Variants in VPS13B observed in about 807,000 individuals in gnomAD.
The protein encoded by VPS13B is vacuolar protein sorting 13 homolog B, also known as intermembrane lipid transfer protein VPS13B.
A neutral mutation model predicts 426.4 loss-of-function variants in VPS13B; 285 were observed. The observed-to-expected ratio is 0.67, with a 90% CI of 0.61 to 0.74. VPS13B has a LOEUF of 0.74. Ranked by LOEUF, VPS13B falls within the 30% of genes least tolerant of loss-of-function variation. The pLI is 0.00. For missense variants in VPS13B, 4,537 were observed against 4,782.6 expected (o/e 0.95, Z 1.51); for synonymous variants, 1,676 against 1,676.4 (o/e 1.00, Z 0.01).
chr8:99,241,791 ATGATT>A (rs1325311527), intron 17 of VPS13B, among the ~76,000 whole-genome samples: 1 of 152,190 alleles, frequency 6.6e-6, no homozygotes, highest in Admixed American at 6.5e-5. Context: ...AACAAGAATA[ATGATT>A]TGATCACTAG....
At chr8:99,389,353 CTTA>C (rs947067853) in intron 20 of VPS13B, among the ~76,000 whole-genome samples, 3 of 152,078 alleles carry the variant, frequency 2.0e-5, no homozygotes, top group Admixed American at 6.5e-5. Flanking sequence ...TCTCTAGTTA[CTTA>C]TTATATAGTT....
intron 19 of VPS13B, among the ~76,000 whole-genome samples, chr8:99,376,978 T>A (rs868425613): frequency 2.6e-5 from 4 of 152,066 alleles, no homozygotes; most frequent in Non-Finnish European, 5.9e-5. Flanking sequence ...ATAGGTAACA[T>A]ATATGTAAGT....
intron 8 of VPS13B, among the ~76,000 whole-genome samples, chr8:99,129,013 C>T (rs190731780): frequency 6.6e-6 from 1 of 151,922 alleles, no homozygotes. Flanking sequence ...AAAGACTTTT[C>T]TACTTAAGAT....
intron 23 of VPS13B, among the ~76,000 whole-genome samples, chr8:99,453,653 A>G (rs1343082949): frequency 6.6e-6 from 1 of 152,070 alleles, no homozygotes; most frequent in Non-Finnish European, 1.5e-5. Flanking sequence ...TCTCCCCACC[A>G]CACTTATTTT....
chr8:99,029,055 C>T (rs1257453723), intron 2 of VPS13B, among the ~76,000 whole-genome samples: 2 of 150,364 alleles, frequency 1.3e-5, no homozygotes, highest in Non-Finnish European at 3.0e-5. Context: ...TTCCTCACTT[C>T]TCAGACGGGG....
Position 99,809,535 on chromosome 8 carries a change from G to A in VPS13B, c.8097+5G>A. On this transcript the variant is annotated splice_donor_5th_base_variant and intron_variant, in intron 44 of 61. Transcript: ENST00000357162. Reference sequence around the variant, plus strand: ...CTCAATGGAGTACAAAAACAGGTAAGTTTCTTTGTGTTCATGACCCAGACA... The same window carrying A: ...CTCAATGGAGTACAAAAACAGGTAAATTTCTTTGTGTTCATGACCCAGACA... 1.9e-6 allele frequency: 3 copies of A among 1,613,908 alleles called. No individual in the cohort carries two copies. Among genetic ancestry groups the A allele is most frequent in the Non-Finnish European group, 2.5e-6 (3 of 1,179,908 alleles).
chr8:99,071,003 T>C (rs913419919), intron 3 of VPS13B, among the ~76,000 whole-genome samples: 3 of 152,138 alleles, frequency 2.0e-5, no homozygotes, highest in Admixed American at 6.5e-5. Context: ...CTCTCTGTTA[T>C]CTTGAAGTTC....
Position 99,556,466 on chromosome 8 carries a change from G to A in VPS13B, c.4762G>A (p.Gly1588Arg). The change falls in exon 31 of 62, where the codon GGA (glycine) becomes AGA (arginine). Residue 1588 changes from glycine to arginine, a missense_variant. Transcript: ENST00000357162. ...KDIYQRALNL[G>R]ILRDPGSEIE... is the part of the protein sequence containing the mutation. ...CCTTTACAGGAGAGCCTTGAACTTA[G>A]GAATTCTTCGAGATCCTGGATCAGA... 6.2e-7 allele frequency: 1 copy of A among 1,612,572 alleles called. No individual in the cohort carries two copies. The highest frequency in any genetic ancestry group is 1.1e-5 in the South Asian group (1 of 91,040).
Position 99,223,726 on chromosome 8 carries a change from C to G in VPS13B, c.2515+30669C>G, listed in dbSNP as rs540626418. ...TAGATAATGAAATATTTCTAATCTA[C>G]AAAGAACGTATTTTCATATGTGTAT... On this transcript the variant is annotated intron_variant, in intron 17 of 61. Coordinates refer to ENST00000357162, the MANE Select transcript of VPS13B (RefSeq NM_152564.5). Among the ~76,000 whole-genome samples the G allele has an allele frequency of 1.4e-4, 22 of 152,066 alleles. 1 individual carries two copies. The highest frequency in any genetic ancestry group is 5.3e-4 in the African/African-American group (22 of 41,450).
intron 3 of VPS13B, among the ~76,000 whole-genome samples, chr8:99,073,601 A>G (rs1318895064): frequency 6.6e-6 from 1 of 151,418 alleles, no homozygotes; most frequent in African/African-American, 2.4e-5. Flanking sequence ...TATCAGATTT[A>G]AGAGCTTTCT....
intron 21 of VPS13B, among the ~76,000 whole-genome samples, chr8:99,425,084 A>G (rs1054306714): frequency 7.9e-5 from 12 of 152,148 alleles, no homozygotes; most frequent in African/African-American, 2.7e-4. Flanking sequence ...TAGCTTACCA[A>G]CCAAAAAAAG....
intron 23 of VPS13B, among the ~76,000 whole-genome samples, chr8:99,445,263 A>G (rs1817858853): frequency 6.7e-6 from 1 of 148,794 alleles, no homozygotes; most frequent in Non-Finnish European, 1.5e-5. Context: ...GATATTATAA[A>G]TTTTGTAGTA....
intron 23 of VPS13B, among the ~76,000 whole-genome samples, chr8:99,454,912 A>G (rs948287406): frequency 1.3e-5 from 2 of 152,122 alleles, no homozygotes; most frequent in Non-Finnish European, 2.9e-5. Context: ...CTTATTTGCC[A>G]TCTGTATGTC....
intron 43 of VPS13B, among the ~76,000 whole-genome samples, chr8:99,805,777 C>T (rs1354404935): frequency 6.6e-6 from 1 of 152,134 alleles, no homozygotes; most frequent in Admixed American, 6.6e-5. Flanking sequence ...TTTTAGTTGT[C>T]ATCGAAAACT....
Position 99,859,484 on chromosome 8 carries a change from G to C in VPS13B, c.11044+4G>C, listed in dbSNP as rs1156488003. 1 of 1,613,434 alleles carries C rather than the reference G, an allele frequency of 6.2e-7. No individual in the cohort carries two copies. The highest frequency in any genetic ancestry group is 1.7e-5 in the Admixed American group (1 of 60,022). On this transcript the variant is annotated splice_donor_region_variant and intron_variant, in intron 57 of 61. Coordinates refer to ENST00000357162, the MANE Select transcript of VPS13B (RefSeq NM_152564.5). The stretch of plus-strand genomic sequence containing the variant: ...TTTGTAAAGCACATCTCCAAAGGTA[G>C]CGGGTTCCGTTCCTTGTAATAATGC...
chr8:99,601,175 GT>G, intron 33 of VPS13B, among the ~76,000 whole-genome samples: 3 of 151,966 alleles, frequency 2.0e-5, no homozygotes, highest in Non-Finnish European at 4.4e-5. Flanking sequence ...ACAGGCTCCA[GT>G]GTGTGATGTT....
rs964791071 is a variant in VPS13B at position 99,848,898 on chromosome 8, G to A, written c.10061+4G>A. ...CTATTTTAACCAATACCAACAGGTA[G>A]GTTTAATTATTTTCCCAGTGACAAC... On this transcript the variant is annotated splice_donor_region_variant and intron_variant, in intron 55 of 61. Transcript: ENST00000357162. 4 of 1,612,242 alleles carry A rather than the reference G, an allele frequency of 2.5e-6. No homozygotes were observed. Among genetic ancestry groups the A allele is most frequent in the Non-Finnish European group, 3.4e-6 (4 of 1,178,424 alleles).
chr8:99,520,854 G>T, intron 29 of VPS13B, 45 bp from the exon 30 acceptor site: 10 of 1,494,846 alleles, frequency 6.7e-6, no homozygotes, highest in Non-Finnish European at 9.3e-6. Flanking sequence ...ATAAAGTTAT[G>T]TACAGATCCA....
chr8:99,575,689 T>C lies in VPS13B; in HGVS notation c.4981T>C (p.Leu1661=), dbSNP rs1825743811. 8.7e-6 allele frequency: 14 copies of C among 1,613,978 alleles called. No homozygotes were observed. Among genetic ancestry groups the C allele is most frequent in the Non-Finnish European group, 1.0e-5 (12 of 1,179,932 alleles). The change falls in exon 32 of 62, where the codon TTG becomes CTG. Residue 1661 remains leucine, a synonymous_variant. Coordinates refer to ENST00000357162, the MANE Select transcript of VPS13B (RefSeq NM_152564.5). ...IRRHQERRAI[L]TPVLTDFSVR... ...GCGGCATCAAGAAAGGAGAGCAATTTTGACCCCCGTTTTGACAGATTTTTC... is the reference window on the plus strand; with the variant it reads ...GCGGCATCAAGAAAGGAGAGCAATTCTGACCCCCGTTTTGACAGATTTTTC...
Sources: gnomAD v4.1 joint callset for allele counts (sites outside exome capture counted in the v4.1 genomes callset) on GRCh38, gnomAD v4.1.1 for gene constraint, MANE v1.5 for transcripts, NCBI Gene and HGNC (gene_info 2026-07-23, HGNC 2026-07-21) for gene names.